Variants in CACNA2D1 observed in about 807,000 individuals in gnomAD.
CACNA2D1 encodes calcium voltage-gated channel auxiliary subunit alpha2delta 1.
CACNA2D1 carries 53 observed loss-of-function variants against 171.5 expected under a neutral mutation model. That is an observed-to-expected ratio of 0.31 (90% CI 0.25 to 0.39). CACNA2D1 has a LOEUF of 0.39. Ranked by LOEUF, CACNA2D1 falls within the 10% of genes least tolerant of loss-of-function variation. CACNA2D1 has a pLI of 1.00. For missense variants in CACNA2D1, 903 were observed against 1,299.8 expected (o/e 0.69, Z 4.69); for synonymous variants, 442 against 443.1 (o/e 1.00, Z 0.03).
At chr7:82,263,408 G>A (rs1563277522) in intron 3 of CACNA2D1, among the ~76,000 whole-genome samples, 2 of 151,998 alleles carry the variant, frequency 1.3e-5, no homozygotes, top group African/African-American at 4.8e-5. Context: ...ACCACACCTG[G>A]CTAAAACCTT....
chr7:82,082,294 C>T (rs563134078), intron 7 of CACNA2D1, among the ~76,000 whole-genome samples: 3 of 151,944 alleles, frequency 2.0e-5, no homozygotes, highest in East Asian at 2.0e-4. Context: ...AATGAGGTTA[C>T]GCAGACAACT....
intron 3 of CACNA2D1, among the ~76,000 whole-genome samples, chr7:82,257,780 G>A (rs956201031): frequency 6.6e-6 from 1 of 152,110 alleles, no homozygotes; most frequent in African/African-American, 2.4e-5. Context: ...GAAAATCTAG[G>A]AGCTCTGATA....
intron 5 of CACNA2D1, among the ~76,000 whole-genome samples, chr7:82,126,844 C>T (rs1441940637): frequency 6.6e-6 from 1 of 152,146 alleles, no homozygotes; most frequent in African/African-American, 2.4e-5. Context: ...GACTTATCTC[C>T]CATCTCCTCA....
At chr7:81,964,142 TCTA>T in intron 33 of CACNA2D1, 34 bp from the exon 34 acceptor site, 1 of 1,606,674 alleles carries the variant, frequency 6.2e-7, no homozygotes, top group Admixed American at 1.7e-5. Context: ...ATTTCAGTAG[TCTA>T]CTTGATACTG....
At chr7:82,244,222 A>C (rs555950550) in intron 3 of CACNA2D1, among the ~76,000 whole-genome samples, 1 of 152,074 alleles carries the variant, frequency 6.6e-6, no homozygotes, top group African/African-American at 2.4e-5. Flanking sequence ...ATAATACTTC[A>C]TATGTAGCTT....
rs960054037 is a variant in CACNA2D1, at chr7:82,223,270, T to A, written c.295-52661A>T. On this transcript the variant is annotated intron_variant, in intron 3 of 38. Coordinates refer to ENST00000356860, the MANE Select transcript of CACNA2D1 (RefSeq NM_000722.4). ...TACTTTAATCTTGTTCTAAAAGAAG[T>A]TTTGTACTTCCAAAGCATTGGATTC... Among the ~76,000 whole-genome samples the A allele has an allele frequency of 2.6e-5, 4 of 152,282 alleles. No individual in the cohort carries two copies. The East Asian group carries it at 5.8e-4, about 22-fold the overall frequency.
At chr7:82,141,323 A>C (rs374515693) in intron 4 of CACNA2D1, among the ~76,000 whole-genome samples, 2 of 152,240 alleles carry the variant, frequency 1.3e-5, no homozygotes, top group Admixed American at 6.5e-5. Context: ...TATAGATATG[A>C]GTTTTACTTA....
At chr7:82,245,136 C>G in intron 3 of CACNA2D1, among the ~76,000 whole-genome samples, 1 of 152,180 alleles carries the variant, frequency 6.6e-6, no homozygotes, top group Admixed American at 6.5e-5. Flanking sequence ...CTTCCTCCAC[C>G]ATATATGGAG....
At chr7:82,147,016 A>G (rs1457426714) in intron 4 of CACNA2D1, among the ~76,000 whole-genome samples, 7 of 108,426 alleles carry the variant, frequency 6.5e-5, no homozygotes, top group African/African-American at 1.7e-4. Flanking sequence ...AAAAAAAAAA[A>G]GCAGCTATTA....
chr7:82,335,010 A>G lies in CACNA2D1; in HGVS notation c.294+125T>C, dbSNP rs1004497637. The G allele has an allele frequency of 1.8e-5, 13 of 703,240 alleles. No individual in the cohort carries two copies. In the African/African-American group the frequency reaches 2.1e-4, roughly 12 times the overall value. 43.6% of individuals were successfully genotyped at this position (703,240 alleles called of 1,614,324 possible). On this transcript the variant is annotated intron_variant, in intron 3 of 38. Coordinates refer to ENST00000356860, the MANE Select transcript of CACNA2D1 (RefSeq NM_000722.4). ...AACCATGATATCTCATTTTTTATGA[A>G]CATATCAGATGAACACAGTTACTAA...
intron 7 of CACNA2D1, among the ~76,000 whole-genome samples, chr7:82,075,219 T>TAA (rs3086906): frequency 6.7e-6 from 1 of 148,352 alleles, no homozygotes; most frequent in Non-Finnish European, 1.5e-5. Flanking sequence ...TCACCATAAT[T>TAA]AAAAAAAAAA....
chr7:82,121,838 A>G (rs2367907), intron 5 of CACNA2D1, among the ~76,000 whole-genome samples: 79,378 of 151,886 alleles, frequency 0.52, 21,220 homozygotes, highest in African/African-American at 0.64. Context: ...GATTATGCCC[A>G]TTCTTCAGGT....
intron 3 of CACNA2D1, among the ~76,000 whole-genome samples, chr7:82,332,154 G>A (rs1291608017): frequency 6.6e-6 from 1 of 152,030 alleles, no homozygotes; most frequent in Non-Finnish European, 1.5e-5. Flanking sequence ...TCTGCCTCCC[G>A]AGTTCAAGCA....
intron 10 of CACNA2D1, among the ~76,000 whole-genome samples, chr7:82,040,530 G>C (rs766164907): frequency 6.9e-6 from 1 of 145,628 alleles, no homozygotes; most frequent in Non-Finnish European, 1.5e-5. Flanking sequence ...ACAAAAAAAA[G>C]TAGAGTAGAA....
intron 7 of CACNA2D1, among the ~76,000 whole-genome samples, chr7:82,069,531 T>G (rs1808062699): frequency 6.6e-6 from 1 of 152,198 alleles, no homozygotes; most frequent in South Asian, 2.1e-4. Context: ...GGTCTACCAT[T>G]TACTTCACCT....
chr7:82,025,772 C>G (rs1252673371), intron 12 of CACNA2D1, among the ~76,000 whole-genome samples: 1 of 151,638 alleles, frequency 6.6e-6, no homozygotes, highest in Non-Finnish European at 1.5e-5. Context: ...TCTATTGGGT[C>G]AAATGTTCTC....
chr7:81,951,393 T>C lies in CACNA2D1; in HGVS notation c.3160-885A>G, dbSNP rs565752634. On this transcript the variant is annotated intron_variant, in intron 38 of 38. Coordinates refer to ENST00000356860, the MANE Select transcript of CACNA2D1 (RefSeq NM_000722.4). ...ATAGATTTTGGGGAACAGGTGGTTT[T>C]GGTTACATGGATAATTCTTTAGTGG... Among the ~76,000 whole-genome samples the C allele has an allele frequency of 1.9e-4, 29 of 151,598 alleles. No homozygotes were observed. In the South Asian group the frequency reaches 5.0e-3, roughly 26 times the overall value.
At chr7:82,357,643 T>C (rs1820585916) in intron 1 of CACNA2D1, among the ~76,000 whole-genome samples, 2 of 148,830 alleles carry the variant, frequency 1.3e-5, no homozygotes, top group Admixed American at 1.4e-4. Flanking sequence ...CCACTAGCAA[T>C]TGTCACAGAG....
intron 1 of CACNA2D1, among the ~76,000 whole-genome samples, chr7:82,359,560 T>C (rs1820853061): frequency 6.6e-6 from 1 of 152,180 alleles, no homozygotes; most frequent in Non-Finnish European, 1.5e-5. Flanking sequence ...GTTTTCTTTC[T>C]ACTAAACTGA....
Sources: allele counts gnomAD v4.1 joint callset (sites outside exome capture counted in the v4.1 genomes callset), GRCh38; gene constraint gnomAD v4.1.1; transcripts MANE v1.5; gene names NCBI Gene and HGNC (gene_info 2026-07-23, HGNC 2026-07-21).